Variants in RUBCN observed in about 807,000 individuals in gnomAD.
RUBCN encodes the protein run domain Beclin-1-interacting and cysteine-rich domain-containing protein.
Under a neutral mutation model 113.2 loss-of-function variants are expected in RUBCN, and 74 were observed. That is an observed-to-expected ratio of 0.65 (90% CI 0.54 to 0.79). The LOEUF is 0.79. Ranked by LOEUF, RUBCN falls within the 30% of genes least tolerant of loss-of-function variation. RUBCN has a pLI of 0.00. For missense variants in RUBCN, 1,109 were observed against 1,251.7 expected (o/e 0.89, Z 1.72); for synonymous variants, 480 against 490.0 (o/e 0.98, Z 0.27).
intron 2 of RUBCN, among the ~76,000 whole-genome samples, chr3:197,717,115 C>T (rs369544324): frequency 3.9e-4 from 59 of 149,946 alleles, no homozygotes; most frequent in African/African-American, 1.4e-3. Flanking sequence ...AGCGAGACCC[C>T]GTCTCAAAAC....
At chr3:197,692,034 C>G (rs991704125) in intron 11 of RUBCN, among the ~76,000 whole-genome samples, 1 of 152,050 alleles carries the variant, frequency 6.6e-6, no homozygotes. Context: ...CCTAGATAGA[C>G]AGCTTCACAA....
chr3:197,693,660 C>T, intron 11 of RUBCN, 55 bp downstream of exon 11: 2 of 1,198,896 alleles, frequency 1.7e-6, no homozygotes, highest in South Asian at 2.4e-5. Context: ...GCTTATCATT[C>T]TAAATGGAAA....
upstream of RUBCN, among the ~76,000 whole-genome samples, chr3:197,738,212 C>G (rs1728329787): frequency 2.0e-5 from 3 of 152,188 alleles, no homozygotes; most frequent in Admixed American, 2.0e-4. Context: ...TGCTAGTTTG[C>G]AAACCCAGGC....
At chr3:197,728,455 C>T (rs1482055826) in intron 1 of RUBCN, among the ~76,000 whole-genome samples, 1 of 152,106 alleles carries the variant, frequency 6.6e-6, no homozygotes, top group South Asian at 2.1e-4. Context: ...CTAGAATAAT[C>T]AAACAGGGAC....
chr3:197,676,664 C>T, intron 18 of RUBCN: 2 of 1,416,424 alleles, frequency 1.4e-6, no homozygotes, highest in Non-Finnish European at 1.8e-6. Context: ...TACCCAGGAC[C>T]ACAGCCAGCA....
In RUBCN at chr3:197,736,747, C is replaced by A; in HGVS notation, c.-28G>T. Reference sequence around the variant, plus strand: ...GGGGCGGTGAGGCCGCCTCTTCGCCCAAGAGAGGCGTCCCTGCCGCTTCGC... The same window carrying A: ...GGGGCGGTGAGGCCGCCTCTTCGCCAAAGAGAGGCGTCCCTGCCGCTTCGC... On this transcript the variant is annotated 5_prime_UTR_variant, in exon 1 of 20. Coordinates refer to ENST00000296343, the MANE Select transcript of RUBCN (RefSeq NM_014687.4). 1 of 1,527,714 alleles carries A rather than the reference C, an allele frequency of 6.5e-7. No individual in the cohort carries two copies. The highest frequency in any genetic ancestry group is 1.2e-5 in the South Asian group (1 of 83,552). The allele number at this position is 1,527,714 out of a possible 1,614,324, so 94.6% of individuals were successfully genotyped here.
At chr3:197,678,069 C>G (rs1249745722) in intron 16 of RUBCN, among the ~76,000 whole-genome samples, 14 of 142,832 alleles carry the variant, frequency 9.8e-5, no homozygotes, top group Non-Finnish European at 1.9e-4. Context: ...CGACACCTGG[C>G]TTCTGACTGT....
At chr3:197,704,799 A>C in intron 3 of RUBCN, 98 bp from the exon 4 acceptor site, 1 of 1,292,592 alleles carries the variant, frequency 7.7e-7, no homozygotes, top group East Asian at 2.4e-5. Context: ...CAGGTAAGGG[A>C]AATGCTTTGA....
rs1171139690 is a variant in RUBCN, at chr3:197,681,373, A to G, written c.2192-6T>C. ...CCGCAGTCGCTTGATGTAATCTGGAAAAACCGGAAAGCCAGAAAGCCAGAT... is the reference window on the plus strand; with the variant it reads ...CCGCAGTCGCTTGATGTAATCTGGAGAAACCGGAAAGCCAGAAAGCCAGAT... On this transcript the variant is annotated splice_polypyrimidine_tract_variant and splice_region_variant and intron_variant, in intron 15 of 19. Transcript: ENST00000296343. This position sits in a 1 kb window ranked among gnomAD's most constrained non-coding sequence, Gnocchi z 5.5. 1.2e-6 allele frequency: 2 copies of G among 1,606,394 alleles called. No homozygotes were observed. The highest frequency in any genetic ancestry group is 1.7e-6 in the Non-Finnish European group (2 of 1,173,042).
At chr3:197,677,389 CCTT>C in intron 17 of RUBCN, 88 bp downstream of exon 17, 1 of 1,089,922 alleles carries the variant, frequency 9.2e-7, no homozygotes, top group Admixed American at 1.7e-5. Flanking sequence ...TCTCTACTCT[CCTT>C]CGTTACATAA....
chr3:197,737,529 T>G (rs1304429914), upstream of RUBCN, among the ~76,000 whole-genome samples: 1 of 151,736 alleles, frequency 6.6e-6, no homozygotes, highest in East Asian at 1.9e-4. Flanking sequence ...AGTGCTGGCT[T>G]GGGAACTGCA....
In RUBCN at chr3:197,701,984, T is replaced by C. The variant is rs1723731748; in HGVS notation, c.571-120A>G. ...CTACCTTTGCAGTAGGCCTGGACTTTAGCCAGAGCCTGTAGATACAGCAAG... is the reference window on the plus strand; with the variant it reads ...CTACCTTTGCAGTAGGCCTGGACTTCAGCCAGAGCCTGTAGATACAGCAAG... On this transcript the variant is annotated intron_variant, in intron 5 of 19. Coordinates refer to ENST00000296343, the MANE Select transcript of RUBCN (RefSeq NM_014687.4). 6 of 882,756 alleles carry C rather than the reference T, an allele frequency of 6.8e-6. No individual in the cohort carries two copies. In the Middle Eastern group the frequency reaches 1.3e-3, roughly 188 times the overall value. 54.7% of individuals were successfully genotyped at this position (882,756 alleles called of 1,614,324 possible).
chr3:197,734,180 C>T (rs1282966389), intron 1 of RUBCN, among the ~76,000 whole-genome samples: 2 of 151,600 alleles, frequency 1.3e-5, no homozygotes, highest in African/African-American at 4.9e-5. Flanking sequence ...TTGTTTGAAC[C>T]TGGGAGGCAG....
Position 197,732,095 on chromosome 3 carries a change from C to T in RUBCN, c.65+4560G>A, listed in dbSNP as rs140131435. Among the ~76,000 whole-genome samples the T allele has an allele frequency of 6.6e-5, 10 of 152,290 alleles. No individual in the cohort carries two copies. The East Asian group carries it at 1.9e-3, about 29-fold the overall frequency. On this transcript the variant is annotated intron_variant, in intron 1 of 19. Coordinates refer to ENST00000296343, the MANE Select transcript of RUBCN (RefSeq NM_014687.4). ...GGCAGGTTTTGGTCAGTGGAATAAG[C>T]TTAGTTTGGAGATGCTAAAACGGAT...
chr3:197,695,648 T>G (rs764259218), intron 9 of RUBCN, among the ~76,000 whole-genome samples: 6 of 152,250 alleles, frequency 3.9e-5, no homozygotes, highest in Non-Finnish European at 5.9e-5. Flanking sequence ...TCTGCCCAGG[T>G]TGGCTTCTAA....
chr3:197,734,020 C>T (rs1727824256), intron 1 of RUBCN, among the ~76,000 whole-genome samples: 1 of 152,070 alleles, frequency 6.6e-6, no homozygotes, highest in Non-Finnish European at 1.5e-5. Context: ...CTTTGGGAGG[C>T]GGAGGCTGGT....
In RUBCN at chr3:197,712,578, G is replaced by C. The variant is rs543727102; in HGVS notation, c.219+5399C>G. ...TTAATTCTCAGATCTTTACCAGGCA[G>C]AACAGAGCAGCAAGGAAACCGGCAC... On this transcript the variant is annotated intron_variant, in intron 2 of 19. Coordinates refer to ENST00000296343, the MANE Select transcript of RUBCN (RefSeq NM_014687.4). Among the ~76,000 whole-genome samples the C allele has an allele frequency of 2.0e-5, 3 of 152,282 alleles. No homozygotes were observed. The South Asian group carries it at 6.2e-4, about 32-fold the overall frequency.
In RUBCN at chr3:197,700,901, G is replaced by A; in HGVS notation, c.973C>T (p.Leu325=). 6.2e-7 allele frequency: 1 copy of A among 1,614,216 alleles called. No individual in the cohort carries two copies. Among genetic ancestry groups the A allele is most frequent in the African/African-American group, 1.3e-5 (1 of 75,040 alleles). ...CGGGGGTCCAAGTTGCCAATGGCCA[G>A]GTACTCAGGCCCCTCACTGGCATCA... ...PGDASEGPEY[L]AIGNLDPRGR... The change falls in exon 7 of 20, where the codon CTG becomes TTG. Residue 325 remains leucine (L), a synonymous_variant. Coordinates refer to ENST00000296343, the MANE Select transcript of RUBCN (RefSeq NM_014687.4).
intron 7 of RUBCN, 48 bp from the exon 8 acceptor site, chr3:197,697,097 A>G: frequency 3.2e-6 from 3 of 923,228 alleles, no homozygotes; most frequent in Non-Finnish European, 5.4e-6. Flanking sequence ...GAAATGAGCA[A>G]CAGGTACATT....
Sources: gnomAD v4.1 joint callset for allele counts (sites outside exome capture counted in the v4.1 genomes callset) on GRCh38, gnomAD v4.1.1 for gene constraint, Gnocchi (gnomAD v3.1) non-coding constraint, MANE v1.5 for transcripts, NCBI Gene and HGNC (gene_info 2026-07-23, HGNC 2026-07-21) for gene names.